DCAF6: variants seen among roughly 807,000 people sequenced by gnomAD.
DCAF6 encodes DDB1 and CUL4 associated factor 6, also known as DDB1- and CUL4-associated factor 6.
In DCAF6, 54 loss-of-function variants were observed where a neutral mutation model predicts 125.1. The observed-to-expected ratio is 0.43, with a 90% CI of 0.35 to 0.54. The LOEUF is 0.54. Ranked by LOEUF, DCAF6 falls within the 20% of genes least tolerant of loss-of-function variation. The pLI is 0.01. For missense variants in DCAF6, 934 were observed against 1,161.7 expected (o/e 0.80, Z 2.85); for synonymous variants, 371 against 390.4 (o/e 0.95, Z 0.58).
intron 14 of DCAF6, among the ~76,000 whole-genome samples, chr1:168,044,155 T>C (rs929503214): frequency 2.0e-5 from 3 of 152,128 alleles, no homozygotes; most frequent in African/African-American, 7.2e-5. Flanking sequence ...GGGGAGGTTT[T>C]AGCTGAATGT....
chr1:167,944,277 T>C (rs763812012), intron 1 of DCAF6, among the ~76,000 whole-genome samples: 1 of 152,250 alleles, frequency 6.6e-6, no homozygotes, highest in Non-Finnish European at 1.5e-5. Flanking sequence ...GCAGTAAACA[T>C]ACTGGTGCAC....
At chr1:168,001,639 T>A (rs556277100) in intron 7 of DCAF6, among the ~76,000 whole-genome samples, 21 of 152,282 alleles carry the variant, frequency 1.4e-4, no homozygotes, top group Non-Finnish European at 2.8e-4. Flanking sequence ...AGTTGAAATA[T>A]TGTTTTTTTT....
chr1:167,871,722 T>C, the DCAF6 span, among the ~76,000 whole-genome samples: 1 of 152,236 alleles, frequency 6.6e-6, no homozygotes, highest in African/African-American at 2.4e-5. Flanking sequence ...AGTGTAGACA[T>C]TTAATAAAAA....
At chr1:167,894,187 C>T in the DCAF6 span, among the ~76,000 whole-genome samples, 3 of 152,164 alleles carry the variant, frequency 2.0e-5, no homozygotes, top group Non-Finnish European at 1.5e-5. Context: ...ACTGACATGA[C>T]GCTTTGGGAC....
chr1:167,906,300 G>A, the DCAF6 span, among the ~76,000 whole-genome samples: 1 of 150,550 alleles, frequency 6.6e-6, no homozygotes. Flanking sequence ...ACCTTTAAAA[G>A]GAAAAGTCCT....
intron 16 of DCAF6, among the ~76,000 whole-genome samples, chr1:168,049,411 T>TTGC (rs1689559685): frequency 2.0e-5 from 2 of 102,102 alleles, no homozygotes; most frequent in Non-Finnish European, 4.0e-5. Flanking sequence ...CTCTGCTAAT[T>TTGC]TGTTGTTGTT....
the DCAF6 span, among the ~76,000 whole-genome samples, chr1:167,919,441 T>C: frequency 6.6e-6 from 1 of 152,220 alleles, no homozygotes; most frequent in South Asian, 2.1e-4. Context: ...ATAATGTCAT[T>C]ATCATAAATC....
At chr1:167,942,005 C>A (rs1359708958) in intron 1 of DCAF6, among the ~76,000 whole-genome samples, 1 of 152,180 alleles carries the variant, frequency 6.6e-6, no homozygotes, top group Admixed American at 6.5e-5. Context: ...TGTAGTGAGT[C>A]TTCCTAATTG....
At chr1:167,875,290 T>C in the DCAF6 span, 1 of 1,162,528 alleles carries the variant, frequency 8.6e-7, no homozygotes, top group Non-Finnish European at 1.3e-6. Context: ...TCTCAATTGC[T>C]AACAAGAGTC....
intron 3 of DCAF6, among the ~76,000 whole-genome samples, chr1:167,967,192 T>A (rs1372939885): frequency 6.6e-6 from 1 of 152,128 alleles, no homozygotes. Context: ...TTTAGAAAAT[T>A]TACATTTAAA....
At chr1:167,865,063 C>T in the DCAF6 span, among the ~76,000 whole-genome samples, 8 of 151,890 alleles carry the variant, frequency 5.3e-5, no homozygotes, top group East Asian at 1.9e-4. Context: ...TCATAGAAAA[C>T]GATGTTATAA....
the DCAF6 span, chr1:167,920,770 T>C: frequency 1.2e-6 from 1 of 859,140 alleles, no homozygotes; most frequent in Non-Finnish European, 1.7e-6. Context: ...TAAGAAAATG[T>C]AGATTACAAC....
intron 2 of DCAF6, among the ~76,000 whole-genome samples, chr1:167,956,868 TTTATGTTAA>T (rs1674869893): frequency 6.6e-6 from 1 of 152,202 alleles, no homozygotes; most frequent in South Asian, 2.1e-4. Flanking sequence ...CCAACGTATC[TTTATGTTAA>T]TGATTTCTGA....
At position 168,065,659 on chromosome 1, in the gene DCAF6, T is replaced by C; in HGVS notation, c.2509T>C (p.Trp837Arg). 6.2e-7 allele frequency: 1 copy of C among 1,613,556 alleles called. No individual in the cohort carries two copies. The highest frequency in any genetic ancestry group is 8.5e-7 in the Non-Finnish European group (1 of 1,179,658). The stretch of plus-strand genomic sequence containing the variant: ...TTCTGACTGTGGCCACATTTTCATC[T>C]GGGATCGGCACACTGCTGAGCATTT... ...SGSDCGHIFI[W>R]DRHTAEHLML... Residue 837 changes from tryptophan to arginine, a missense_variant, in exon 19 of 22, where the codon TGG becomes CGG. Trp to Arg is a moderately radical substitution (Grantham distance 101). Around this residue, in one of 5 missense-constraint regions of DCAF6, gnomAD observed 559 missense variants for 635.5 expected, o/e 0.88. Coordinates refer to ENST00000367840, the MANE Select transcript of DCAF6 (RefSeq NM_001198956.2).
the DCAF6 span, among the ~76,000 whole-genome samples, chr1:167,886,408 T>C: frequency 6.6e-6 from 1 of 152,090 alleles, no homozygotes. Context: ...TCTACAACCA[T>C]CTGATCTTTG....
chr1:167,885,966 A>G, the DCAF6 span, among the ~76,000 whole-genome samples: 1 of 152,104 alleles, frequency 6.6e-6, no homozygotes, highest in Non-Finnish European at 1.5e-5. Flanking sequence ...TTTTTTCTAT[A>G]GAGCTGTTAC....
At chr1:167,875,278 C>T in the DCAF6 span, 1 of 1,303,682 alleles carries the variant, frequency 7.7e-7, no homozygotes, top group Non-Finnish European at 1.1e-6. Context: ...AGAAAGTTTC[C>T]TTCTCAATTG....
the DCAF6 span, among the ~76,000 whole-genome samples, chr1:167,872,231 A>T: frequency 9.2e-5 from 14 of 152,072 alleles, no homozygotes; most frequent in East Asian, 2.5e-3. Flanking sequence ...CCAGCTACTC[A>T]GGAGGCTGAG....
chr1:167,887,577 G>C, the DCAF6 span, among the ~76,000 whole-genome samples: 2 of 152,036 alleles, frequency 1.3e-5, no homozygotes, highest in Non-Finnish European at 2.9e-5. Context: ...GATAGCATTA[G>C]GAGATATACC....
Sources: allele counts gnomAD v4.1 joint callset (sites outside exome capture counted in the v4.1 genomes callset), GRCh38; gene constraint gnomAD v4.1.1; regional missense constraint gnomAD v4.1.1; transcripts MANE v1.5; gene names NCBI Gene and HGNC (gene_info 2026-07-23, HGNC 2026-07-21).